Variants in MTUS2 observed in about 807,000 individuals in gnomAD.
MTUS2 encodes microtubule associated scaffold protein 2.
MTUS2 carries 40 observed loss-of-function variants against 114.1 expected under a neutral mutation model. The ratio of observed to expected loss-of-function variants is 0.35; its 90% CI spans 0.27 to 0.46. MTUS2 has a LOEUF of 0.46. MTUS2 is among the 20% of genes least tolerant of loss of function. The probability of loss-of-function intolerance (pLI) is 1.00; values close to 1 mark genes in which losing one functional copy is unlikely to be tolerated. For synonymous variants in MTUS2, 688 were observed against 672.0 expected, an observed-to-expected ratio of 1.02 and a Z score of -0.37; for missense variants, 1,679 against 1,705.4, an observed-to-expected ratio of 0.98 and a Z score of 0.27.
chr13:29,489,348 T>G (rs891740209), intron 11 of MTUS2, among the ~76,000 whole-genome samples: 5 of 152,220 alleles, frequency 3.3e-5, no homozygotes, highest in African/African-American at 7.2e-5. Flanking sequence ...GCATCAGAGT[T>G]TTTATTATTG....
chr13:29,371,583 G>A (rs927879529), intron 8 of MTUS2, among the ~76,000 whole-genome samples: 7 of 152,104 alleles, frequency 4.6e-5, no homozygotes, highest in African/African-American at 1.7e-4. Flanking sequence ...AGGTTGCCTT[G>A]ATCAAATAAT....
At chr13:28,998,101 C>T (rs1249743241) in intron 2 of MTUS2, among the ~76,000 whole-genome samples, 2 of 151,932 alleles carry the variant, frequency 1.3e-5, no homozygotes, top group East Asian at 1.9e-4. Context: ...GACAAAGTCT[C>T]TCAGCATTTG....
intron 5 of MTUS2, among the ~76,000 whole-genome samples, chr13:29,258,383 GA>G (rs113379163): frequency 8.6e-5 from 13 of 150,694 alleles, no homozygotes; most frequent in South Asian, 4.2e-4. Context: ...CTTCCAGGAG[GA>G]AAAAAAAATG....
At chr13:29,030,074 ATTCT>A (rs1006203061) in intron 3 of MTUS2, among the ~76,000 whole-genome samples, 6 of 152,324 alleles carry the variant, frequency 3.9e-5, no homozygotes, top group Admixed American at 2.6e-4. Flanking sequence ...ATTGTCTGTA[ATTCT>A]TTCTTTGTGC....
chr13:29,445,553 A>G (rs1463657607), intron 9 of MTUS2, among the ~76,000 whole-genome samples: 10 of 152,178 alleles, frequency 6.6e-5, no homozygotes, highest in African/African-American at 2.4e-4. Context: ...TGGGTGCACC[A>G]TCTTCCCTGC....
intron 1 of MTUS2, among the ~76,000 whole-genome samples, chr13:28,829,530 T>TA (rs35896652): frequency 3.5e-4 from 52 of 147,904 alleles, no homozygotes; most frequent in South Asian, 3.2e-3. Flanking sequence ...GGACTCCGTC[T>TA]AAAAAAAAAA....
At chr13:29,092,608 G>A (rs776617643) in intron 4 of MTUS2, among the ~76,000 whole-genome samples, 3 of 152,138 alleles carry the variant, frequency 2.0e-5, no homozygotes, top group Non-Finnish European at 4.4e-5. Flanking sequence ...GGGCACACCT[G>A]GCCCAGTTGT....
At chr13:28,934,753 C>A (rs943421455) in intron 2 of MTUS2, among the ~76,000 whole-genome samples, 18 of 152,202 alleles carry the variant, frequency 1.2e-4, no homozygotes, top group Admixed American at 1.2e-3. Context: ...GAACTCCTGA[C>A]CTCAGGTGAT....
At chr13:28,964,341 C>T (rs1328304993) in intron 2 of MTUS2, among the ~76,000 whole-genome samples, 1 of 152,192 alleles carries the variant, frequency 6.6e-6, no homozygotes, top group Non-Finnish European at 1.5e-5. Context: ...AGCCACTGTT[C>T]CTTCTACCTG....
At chr13:29,498,324 C>A in intron 13 of MTUS2, 94 bp from the exon 14 acceptor site, 4 of 1,560,192 alleles carry the variant, frequency 2.6e-6, no homozygotes, top group Non-Finnish European at 2.6e-6. Flanking sequence ...GCGCTTGTCC[C>A]AGGAGGATAG....
intron 13 of MTUS2, chr13:29,497,791 A>G (rs906617193): frequency 2.7e-4 from 47 of 176,682 alleles, no homozygotes; most frequent in African/African-American, 1.1e-3. Context: ...AATACAGGAC[A>G]CCCAGTTAAA....
At chr13:29,392,983 A>G (rs1473861517) in intron 8 of MTUS2, among the ~76,000 whole-genome samples, 1 of 152,248 alleles carries the variant, frequency 6.6e-6, no homozygotes, top group Non-Finnish European at 1.5e-5. Flanking sequence ...GATTTTAACC[A>G]AAAGAAGAAA....
intron 6 of MTUS2, among the ~76,000 whole-genome samples, chr13:29,287,272 G>T (rs1159220024): frequency 6.6e-6 from 1 of 152,216 alleles, no homozygotes; most frequent in Non-Finnish European, 1.5e-5. Context: ...TTGCATGTGT[G>T]TGAAGGGGGA....
intron 2 of MTUS2, among the ~76,000 whole-genome samples, chr13:28,991,630 A>C (rs1884859899): frequency 1.3e-5 from 2 of 152,056 alleles, no homozygotes; most frequent in African/African-American, 2.4e-5. Flanking sequence ...GGCCTCCCAA[A>C]GTGCTGGGAT....
chr13:28,950,334 G>A (rs1882745968), intron 2 of MTUS2, among the ~76,000 whole-genome samples: 1 of 152,114 alleles, frequency 6.6e-6, no homozygotes, highest in Non-Finnish European at 1.5e-5. Flanking sequence ...GCTCTGAAGG[G>A]CATTCGGGTA....
chr13:29,229,651 G>T (rs560666625), intron 5 of MTUS2, among the ~76,000 whole-genome samples: 2 of 152,182 alleles, frequency 1.3e-5, no homozygotes, highest in Non-Finnish European at 2.9e-5. Context: ...AATCTTAAAG[G>T]TATAAAATCC....
chr13:29,326,871 T>C (rs1900539294), intron 7 of MTUS2, among the ~76,000 whole-genome samples: 2 of 152,170 alleles, frequency 1.3e-5, no homozygotes, highest in Admixed American at 1.3e-4. Flanking sequence ...TCCCAGCTAC[T>C]TGGGAAGCTG....
intron 6 of MTUS2, among the ~76,000 whole-genome samples, chr13:29,316,284 C>T (rs1899985506): frequency 6.6e-6 from 1 of 152,164 alleles, no homozygotes; most frequent in Non-Finnish European, 1.5e-5. Context: ...TTTGAGAAAA[C>T]TGCTCTGAGA....
chr13:29,284,357 A>G (rs1367903266), intron 6 of MTUS2, among the ~76,000 whole-genome samples: 1 of 151,864 alleles, frequency 6.6e-6, no homozygotes, highest in African/African-American at 2.4e-5. Flanking sequence ...AATGTTATAT[A>G]TGAACTTATA....
Sources: allele counts gnomAD v4.1 joint callset (sites outside exome capture counted in the v4.1 genomes callset), GRCh38; gene constraint gnomAD v4.1.1; transcripts MANE v1.5; gene names NCBI Gene and HGNC (gene_info 2026-07-23, HGNC 2026-07-21).